MAPK14: variants seen among roughly 807,000 people sequenced by gnomAD.
MAPK14 encodes the protein mitogen-activated protein kinase 14, also known as CSAID-binding protein.
A neutral mutation model predicts 49.6 loss-of-function variants in MAPK14; 16 were observed. That is an observed-to-expected ratio of 0.32 (90% CI 0.22 to 0.49). The LOEUF (loss-of-function observed/expected upper bound fraction) is 0.49, where lower values mean the gene tolerates loss of function less well. MAPK14 is among the 20% of genes least tolerant of loss of function. MAPK14 has a pLI of 0.99. For synonymous variants in MAPK14, 142 were observed against 158.0 expected (o/e 0.90, Z 0.76); for missense variants, 200 against 441.2 (o/e 0.45, Z 4.90).
chr6:36,076,709 T>G lies in MAPK14; in HGVS notation c.682+101T>G, dbSNP rs972194130. The stretch of plus-strand genomic sequence containing the variant: ...ATCTCTAGGGAAGACTCTCAGTATT[T>G]TGCTTTTATAGTCTAGATAATGCAT... On this transcript the variant is annotated intron_variant, in intron 8 of 11. Coordinates refer to ENST00000229794, the MANE Select transcript of MAPK14 (RefSeq NM_139012.3). 1.3e-5 allele frequency: 12 copies of G among 895,334 alleles called. No homozygotes were observed. In the African/African-American group the frequency reaches 2.0e-4, roughly 15 times the overall value. The allele number at this position is 895,334 out of a possible 1,614,324, so 55.5% of individuals were successfully genotyped here. A position where few individuals can be genotyped will look rare whatever the true frequency, so the allele number is the denominator to read the frequency against.
chr6:36,036,783 C>T (rs1762768732), intron 1 of MAPK14, among the ~76,000 whole-genome samples: 1 of 152,048 alleles, frequency 6.6e-6, no homozygotes, highest in Non-Finnish European at 1.5e-5. Context: ...CTCTGTTGCC[C>T]AGCCTGGAGT....
intron 9 of MAPK14, among the ~76,000 whole-genome samples, chr6:36,100,697 G>A (rs186023216): frequency 2.0e-5 from 3 of 151,992 alleles, no homozygotes; most frequent in Admixed American, 1.3e-4. Context: ...ATACTAATAT[G>A]TACTATATTT....
intron 6 of MAPK14, among the ~76,000 whole-genome samples, chr6:36,074,909 C>CA (rs1453746577): frequency 6.6e-6 from 1 of 151,794 alleles, no homozygotes; most frequent in Non-Finnish European, 1.5e-5. Context: ...CCATTGCTCC[C>CA]AGCCAAGAAC....
chr6:36,092,648 C>A, intron 8 of MAPK14: 1 of 383,990 alleles, frequency 2.6e-6, no homozygotes, highest in South Asian at 2.1e-5. Context: ...TTGGCTCTCC[C>A]TTTTCAAACT....
At chr6:36,060,280 A>G (rs965734628) in intron 3 of MAPK14, among the ~76,000 whole-genome samples, 13 of 152,176 alleles carry the variant, frequency 8.5e-5, no homozygotes, top group Non-Finnish European at 2.9e-5. Context: ...TAGTGCCTTC[A>G]CATGCCCAGG....
chr6:36,033,181 A>G (rs1486388850), intron 1 of MAPK14, among the ~76,000 whole-genome samples: 1 of 152,246 alleles, frequency 6.6e-6, no homozygotes, highest in African/African-American at 2.4e-5. Flanking sequence ...CCTGTATGTT[A>G]CCAGTGCCAG....
intron 10 of MAPK14, 40 bp downstream of exon 10, chr6:36,102,689 T>A (rs1765677721): frequency 1.2e-6 from 2 of 1,609,542 alleles, no homozygotes; most frequent in Non-Finnish European, 1.7e-6. Flanking sequence ...GATATTGAAT[T>A]GGTTATGATA....
chr6:36,081,152 A>G (rs1272969943), intron 8 of MAPK14, among the ~76,000 whole-genome samples: 2 of 152,138 alleles, frequency 1.3e-5, no homozygotes, highest in Non-Finnish European at 2.9e-5. Flanking sequence ...CCTTTGATAC[A>G]TAAAACATTT....
chr6:36,110,633 A>G lies in MAPK14; in HGVS notation c.*2186A>G, dbSNP rs188806233. 5 of 152,772 alleles carry G rather than the reference A, an allele frequency of 3.3e-5. No individual in the cohort carries two copies. Among genetic ancestry groups the G allele is most frequent in the African/African-American group, 1.2e-4 (5 of 41,594 alleles). 9.5% of individuals were successfully genotyped at this position (152,772 alleles called of 1,614,324 possible). A position where few individuals can be genotyped will look rare whatever the true frequency, so the allele number is the denominator to read the frequency against. On this transcript the variant is annotated 3_prime_UTR_variant, in exon 12 of 12. Transcript: ENST00000229794. ...CCCATCTCCTGATTTCTCTGAACAG[A>G]AAACAAAAGAGAGAATGAGGGAAAT... is the stretch of plus-strand genomic sequence containing the variant.
At chr6:36,055,266 T>C (rs1229376844) in intron 2 of MAPK14, among the ~76,000 whole-genome samples, 2 of 152,250 alleles carry the variant, frequency 1.3e-5, no homozygotes, top group East Asian at 1.9e-4. Context: ...CATTTTAGAA[T>C]TTAAAAATGA....
intron 1 of MAPK14, among the ~76,000 whole-genome samples, chr6:36,051,955 G>A (rs530155267): frequency 2.0e-5 from 3 of 151,894 alleles, no homozygotes; most frequent in African/African-American, 7.2e-5. Flanking sequence ...TCATTATATT[G>A]TTTCCTTCTC....
At chr6:36,070,521 A>G (rs1764228384) in intron 3 of MAPK14, among the ~76,000 whole-genome samples, 1 of 152,216 alleles carries the variant, frequency 6.6e-6, no homozygotes, top group African/African-American at 2.4e-5. Flanking sequence ...AATAAGTGCT[A>G]GTTAGTGCCT....
intron 8 of MAPK14, among the ~76,000 whole-genome samples, chr6:36,095,224 G>T (rs934852681): frequency 3.3e-5 from 5 of 152,206 alleles, no homozygotes; most frequent in African/African-American, 1.2e-4. Context: ...ATGGCATTGT[G>T]GCCTATTATT....
intron 6 of MAPK14, among the ~76,000 whole-genome samples, chr6:36,074,969 G>T (rs979786938): frequency 6.6e-6 from 1 of 151,450 alleles, no homozygotes; most frequent in Non-Finnish European, 1.5e-5. Context: ...GCTCATGCCT[G>T]TAATCCCAGC....
intron 8 of MAPK14, chr6:36,092,385 C>G (rs758162910): frequency 3.0e-6 from 2 of 668,692 alleles, no homozygotes; most frequent in Non-Finnish European, 5.6e-6. Flanking sequence ...TATGCAGTAG[C>G]CACCCATTGG....
chr6:36,095,268 A>T (rs543234397), intron 8 of MAPK14, among the ~76,000 whole-genome samples: 1 of 152,172 alleles, frequency 6.6e-6, no homozygotes, highest in Non-Finnish European at 1.5e-5. Context: ...TTTGTTAAGC[A>T]TTGTTCATTT....
At chr6:36,083,307 A>G (rs1764839975) in intron 8 of MAPK14, among the ~76,000 whole-genome samples, 1 of 152,194 alleles carries the variant, frequency 6.6e-6, no homozygotes, top group African/African-American at 2.4e-5. Context: ...CTGTCCAGGA[A>G]ATCATGCTTT....
At chr6:36,112,815 T>C (rs2127480390), downstream of MAPK14, among the ~76,000 whole-genome samples, 1 of 152,334 alleles carries the variant, frequency 6.6e-6, no homozygotes, top group African/African-American at 2.4e-5. Context: ...ATTTGCAAGA[T>C]TTGTGATTAT....
At chr6:36,093,429 T>C (rs1765318456) in intron 8 of MAPK14, among the ~76,000 whole-genome samples, 1 of 152,038 alleles carries the variant, frequency 6.6e-6, no homozygotes, top group East Asian at 1.9e-4. Flanking sequence ...AGTATAAAAA[T>C]TGACTCTCAG....
Sources: allele counts gnomAD v4.1 joint callset (sites outside exome capture counted in the v4.1 genomes callset), GRCh38; gene constraint gnomAD v4.1.1; transcripts MANE v1.5; gene names NCBI Gene and HGNC (gene_info 2026-07-23, HGNC 2026-07-21).